NRBP1: variants seen among roughly 807,000 people sequenced by gnomAD.
NRBP1 encodes the protein nuclear receptor-binding protein.
Under a neutral mutation model 76.0 loss-of-function variants are expected in NRBP1, and 10 were observed. The observed-to-expected ratio is 0.13, with a 90% confidence interval of 0.08 to 0.22. NRBP1 has a LOEUF of 0.22. Among genes scored for constraint, NRBP1 ranks in the 10% least tolerant of loss-of-function variants. The pLI is 1.00. For missense variants in NRBP1, 344 were observed against 646.0 expected (o/e 0.53, Z 5.07); for synonymous variants, 235 against 240.2 (o/e 0.98, Z 0.20).
rs1207653328 is a variant in NRBP1, at chr2:27,441,748, T to TG, written c.1545dup (p.Asn516GlufsTer29). The TG allele has an allele frequency of 6.2e-7, 1 of 1,614,040 alleles. No homozygotes were observed. The highest frequency in any genetic ancestry group is 8.5e-7 in the Non-Finnish European group (1 of 1,179,950). ...TTGACTTCTCTGCTAGAAGAGACCT[T>TG]GAACAAGTTCAATTTTGCCAGGAAC... On this transcript the variant is annotated frameshift_variant, in exon 18 of 18. Transcript: ENST00000379852. LOFTEE classifies it high-confidence loss of function.
chr2:27,428,709 G>A lies in NRBP1; in HGVS notation c.-43G>A. On this transcript the variant is annotated 5_prime_UTR_variant, in exon 1 of 18. Transcript: ENST00000379852. ...AACCCGAGCTGGAGCTGAAGCGCAG[G>A]CTGCGGGGCGCGGAGTCGGGAGGTG... The A allele has an allele frequency of 2.5e-6, 1 of 398,296 alleles. No individual in the cohort carries two copies. The highest frequency in any genetic ancestry group is 3.6e-5 in the East Asian group (1 of 28,054). 24.7% of individuals were successfully genotyped at this position (398,296 alleles called of 1,614,324 possible). A position where few individuals can be genotyped will look rare whatever the true frequency, so the allele number is the denominator to read the frequency against.
chr2:27,440,489 A>G lies in NRBP1; in HGVS notation c.1123A>G (p.Arg375Gly), dbSNP rs773905346. Residue 375 changes from arginine (R) to glycine (G), a missense_variant, in exon 12 of 18, where the codon AGA becomes GGA. By Grantham distance (125) the Arg-to-Gly change is moderately radical. Around this residue, in one of 3 missense-constraint regions of NRBP1, gnomAD observed 218 missense variants for 309.8 expected, o/e 0.70. Coordinates refer to ENST00000379852, the MANE Select transcript of NRBP1 (RefSeq NM_013392.4). ...VLAEIPAGPG[R>G]EPVQTLYSQS... ...GGCTGAAATCCCTGCAGGACCAGGAAGAGAACCAGTTCAGACTTTGTGAGT... is the reference window on the plus strand; with the variant it reads ...GGCTGAAATCCCTGCAGGACCAGGAGGAGAACCAGTTCAGACTTTGTGAGT... 1.2e-6 allele frequency: 2 copies of G among 1,614,116 alleles called. No individual in the cohort carries two copies.
rs1364553482 is a variant in NRBP1, at chr2:27,442,197, C to T, written c.*385C>T. 2 of 540,298 alleles carry T rather than the reference C, an allele frequency of 3.7e-6. No individual in the cohort carries two copies. Among genetic ancestry groups the T allele is most frequent in the East Asian group, 3.3e-5 (1 of 29,910 alleles). The allele number at this position is 540,298 out of a possible 1,614,324, so 33.5% of individuals were successfully genotyped here. A position where few individuals can be genotyped will look rare whatever the true frequency, so the allele number is the denominator to read the frequency against. On this transcript the variant is annotated 3_prime_UTR_variant, in exon 18 of 18. Transcript: ENST00000379852. ...GAGAAAGGTGGTGCTGCAGTGGTGG[C>T]CCTGGGGGGCCATTCGATTCGCCTC...
intron 13 of NRBP1, 29 bp downstream of exon 13, chr2:27,440,731 T>C: frequency 6.2e-7 from 1 of 1,614,230 alleles, no homozygotes. Flanking sequence ...GCAGGCTTTC[T>C]TGAGGAAGCA....
Position 27,440,942 on chromosome 2 carries a change from TG to T in NRBP1, c.1329+7del. 1 of 1,612,896 alleles carries T rather than the reference TG, an allele frequency of 6.2e-7. No homozygotes were observed. The highest frequency in any genetic ancestry group is 8.5e-7 in the Non-Finnish European group (1 of 1,179,976). ...CCAGCTGAGGTGGAGACTCGCAAGG[TG>T]GGGGCTGTGTGGGTGTGGATTGTCT... is the stretch of plus-strand genomic sequence containing the variant. On this transcript the variant is annotated splice_donor_region_variant and intron_variant, in intron 14 of 17. Coordinates refer to ENST00000379852, the MANE Select transcript of NRBP1 (RefSeq NM_013392.4).
intron 1 of NRBP1, among the ~76,000 whole-genome samples, chr2:27,430,030 A>G (rs533145251): frequency 6.6e-6 from 1 of 152,240 alleles, no homozygotes; most frequent in Non-Finnish European, 1.5e-5. Flanking sequence ...GATCTCTAAC[A>G]GAAGTTTTCT....
At chr2:27,430,579 G>A (rs547963607) in intron 1 of NRBP1, among the ~76,000 whole-genome samples, 9 of 150,104 alleles carry the variant, frequency 6.0e-5, no homozygotes, top group East Asian at 2.0e-4. Flanking sequence ...AGTGATTCTC[G>A]TGCTTCAGCC....
At chr2:27,429,104 G>A in intron 1 of NRBP1, 1 of 159,042 alleles carries the variant, frequency 6.3e-6, no homozygotes, top group Non-Finnish European at 1.4e-5. Flanking sequence ...GCCTGGCCTG[G>A]CCTGCTCGCG....
chr2:27,430,359 A>G (rs756979864), intron 1 of NRBP1, among the ~76,000 whole-genome samples: 4 of 152,208 alleles, frequency 2.6e-5, no homozygotes, highest in Non-Finnish European at 4.4e-5. Flanking sequence ...AGTTCTAAAA[A>G]TAAATGTGGG....
chr2:27,431,170 C>T (rs943893209), intron 1 of NRBP1, among the ~76,000 whole-genome samples: 1 of 152,056 alleles, frequency 6.6e-6, no homozygotes, highest in Non-Finnish European at 1.5e-5. Context: ...TGTGGTGGCA[C>T]GTGCCCGTAG....
intron 6 of NRBP1, 172 bp downstream of exon 6, chr2:27,434,934 A>T (rs1235388277): frequency 1.4e-6 from 1 of 695,844 alleles, no homozygotes; most frequent in Non-Finnish European, 2.5e-6. Context: ...CTAATGCCCT[A>T]ACCACGACAC....
chr2:27,433,244 A>T lies in NRBP1; in HGVS notation c.-20-10A>T. The T allele has an allele frequency of 6.3e-7, 1 of 1,589,414 alleles. No homozygotes were observed. The highest frequency in any genetic ancestry group is 8.6e-7 in the Non-Finnish European group (1 of 1,158,888). On this transcript the variant is annotated splice_polypyrimidine_tract_variant and intron_variant, in intron 1 of 17. Coordinates refer to ENST00000379852, the MANE Select transcript of NRBP1 (RefSeq NM_013392.4). ...GCCTTTTCCCTCTGTATTTGCCCCA[A>T]CCAGTGCAGGCCTGAGTGTTCCTTC...
intron 1 of NRBP1, among the ~76,000 whole-genome samples, chr2:27,432,580 T>TTTTG (rs1553317257): frequency 6.6e-6 from 1 of 151,690 alleles, no homozygotes; most frequent in Non-Finnish European, 1.5e-5. Context: ...AAATCTTTTT[T>TTTTG]TTTGTTTGTT....
At position 27,434,452 on chromosome 2, in the gene NRBP1, A is replaced by G. The variant is rs752509207; in HGVS notation, c.436-19A>G. On this transcript the variant is annotated intron_variant, in intron 4 of 17. Coordinates refer to ENST00000379852, the MANE Select transcript of NRBP1 (RefSeq NM_013392.4). ...CATTTCTACTATAAGGCCTTTTAGT[A>G]AGTGCTTTGCCTCCCCAGGTCATTT... The G allele has an allele frequency of 3.8e-6, 6 of 1,568,398 alleles. No homozygotes were observed. In the African/African-American group the frequency reaches 8.1e-5, roughly 21 times the overall value.
intron 4 of NRBP1, 117 bp from the exon 5 acceptor site, chr2:27,434,354 G>A: frequency 1.2e-6 from 1 of 825,388 alleles, no homozygotes; most frequent in East Asian, 2.4e-5. Context: ...GTCTAAGTAA[G>A]TAAAGCTAAG....
intron 8 of NRBP1, 78 bp downstream of exon 8, chr2:27,436,914 T>TAACTGA: frequency 6.8e-7 from 1 of 1,468,768 alleles, no homozygotes; most frequent in Non-Finnish European, 9.5e-7. Flanking sequence ...AGAGGCAATA[T>TAACTGA]AACTGAAACT....
At chr2:27,438,013 C>T (rs536052599) in intron 10 of NRBP1, among the ~76,000 whole-genome samples, 1 of 151,920 alleles carries the variant, frequency 6.6e-6, no homozygotes, top group South Asian at 2.1e-4. Context: ...ATGGTGAAAC[C>T]CTGTCTCTAC....
intron 10 of NRBP1, among the ~76,000 whole-genome samples, chr2:27,439,497 A>C (rs1378245439): frequency 5.3e-5 from 8 of 152,072 alleles, no homozygotes; most frequent in African/African-American, 1.9e-4. Flanking sequence ...AAAAAAAAAA[A>C]AAAAAAATTG....
At chr2:27,433,109 C>T in intron 1 of NRBP1, 145 bp from the exon 2 acceptor site, 1 of 558,306 alleles carries the variant, frequency 1.8e-6, no homozygotes. Flanking sequence ...GAACTCCTGA[C>T]CTCAGGTGAT....
Sources: allele counts gnomAD v4.1 joint callset (sites outside exome capture counted in the v4.1 genomes callset), GRCh38; gene constraint gnomAD v4.1.1; regional missense constraint gnomAD v4.1.1; transcripts MANE v1.5; gene names NCBI Gene and HGNC (gene_info 2026-07-23, HGNC 2026-07-21).